AARS1: variants seen among roughly 807,000 people sequenced by gnomAD.
The protein encoded by AARS1 is alanyl-tRNA synthetase 1, also known as alanine--tRNA ligase, cytoplasmic.
In AARS1, 72 loss-of-function variants were observed where a neutral mutation model predicts 108.9. The observed-to-expected ratio is 0.66, with a 90% CI of 0.55 to 0.80. AARS1 has a LOEUF of 0.80. AARS1 is among the 30% of genes least tolerant of loss of function. AARS1 has a pLI of 0.00. For missense variants in AARS1, 1,193 were observed against 1,233.2 expected (o/e 0.97, Z 0.49); for synonymous variants, 489 against 465.7 (o/e 1.05, Z -0.64).
intron 8 of AARS1, among the ~76,000 whole-genome samples, 157 bp from the exon 9 acceptor site, chr16:70,267,966 A>C (rs1960304944): frequency 6.6e-6 from 1 of 152,192 alleles, no homozygotes; most frequent in Non-Finnish European, 1.5e-5. Flanking sequence ...TCAGGAGTTC[A>C]AGACCAGCCT....
rs767210040 is a variant in AARS1, at chr16:70,255,833, G to T, written c.2181C>A (p.His727Gln). ...CTCCTGCATGACTCGAGTTCCGCAG[G>T]TGCCTGAATGGCAGAACACAAAGTC... ...LTSVEFCGGT[H>Q]LRNSSHAGAF... The change falls in exon 16 of 21, where the codon CAC becomes CAA. Residue 727 changes from histidine (H) to glutamine (Q), a missense_variant. Coordinates refer to ENST00000261772, the MANE Select transcript of AARS1 (RefSeq NM_001605.3). The T allele has an allele frequency of 1.2e-6, 2 of 1,612,802 alleles. No individual in the cohort carries two copies. The highest frequency in any genetic ancestry group is 2.2e-5 in the East Asian group (1 of 44,868).
intron 7 of AARS1, among the ~76,000 whole-genome samples, chr16:70,269,341 A>G (rs1265606393): frequency 2.1e-5 from 1 of 48,222 alleles, no homozygotes; most frequent in Non-Finnish European, 4.7e-5. Context: ...AAAAAAAAAA[A>G]AAAAAAAAAA....
chr16:70,262,712 T>C (rs1248801189), intron 11 of AARS1, among the ~76,000 whole-genome samples, 188 bp from the exon 12 acceptor site: 3 of 151,452 alleles, frequency 2.0e-5, no homozygotes, highest in Non-Finnish European at 2.9e-5. Context: ...GCTCCCCCTA[T>C]AATCCCAGCA....
At chr16:70,281,922 C>T (rs971277576) in intron 2 of AARS1, among the ~76,000 whole-genome samples, 7 of 151,794 alleles carry the variant, frequency 4.6e-5, no homozygotes, top group South Asian at 2.1e-4. Context: ...GAGGCCGAGG[C>T]GGATGGATCA....
rs147580372 is a variant in AARS1, at chr16:70,267,710, G to T, written c.1171C>A (p.Arg391Ser). The change falls in exon 9 of 21, where the codon CGC becomes AGC. Residue 391 changes from arginine to serine, a missense_variant. Transcript: ENST00000261772. ...CTCTGAATTTTCCTGTCCAGGATGC[G>T]ACGCCCTCTGCTGAGAGTCTTGAGA... ...QFLKTLSRGR[R>S]ILDRKIQSLG... The T allele has an allele frequency of 1.2e-6, 2 of 1,614,002 alleles. No individual in the cohort carries two copies. Among genetic ancestry groups the T allele is most frequent in the African/African-American group, 2.7e-5 (2 of 74,904 alleles).
rs879254295 is a variant in AARS1 at position 70,269,663 on chromosome 16, G to A, written c.917C>T (p.Thr306Ile). The A allele has an allele frequency of 6.2e-7, 1 of 1,614,074 alleles. No homozygotes were observed. Among genetic ancestry groups the A allele is most frequent in the Non-Finnish European group, 8.5e-7 (1 of 1,180,060 alleles). ...RVLADHARTI[T>I]VALADGGRPD... ...CCGGCCACCATCAGCCAGTGCCACA[G>A]TGATGGTCCGAGCGTGGTCAGCCAG... is the stretch of plus-strand genomic sequence containing the variant. The change falls in exon 7 of 21, where the codon ACT becomes ATT. Residue 306 changes from threonine to isoleucine, a missense_variant. By Grantham distance (89) the Thr-to-Ile change is moderately conservative. Coordinates refer to ENST00000261772, the MANE Select transcript of AARS1 (RefSeq NM_001605.3).
chr16:70,262,992 A>AAAAC (rs1960177593), intron 11 of AARS1, among the ~76,000 whole-genome samples: 5 of 141,606 alleles, frequency 3.5e-5, no homozygotes, highest in Non-Finnish European at 6.0e-5. Context: ...AAAAAAAAAA[A>AAAAC]AAAAAACAAC....
chr16:70,265,119 C>T lies in AARS1; in HGVS notation c.1348-17G>A, dbSNP rs1400655859. ...TGATTTCAGCTGTCAGCAAGAGAAACAAGCATAAGTTACCGTAAAGTAGGA... is the reference window on the plus strand; with the variant it reads ...TGATTTCAGCTGTCAGCAAGAGAAATAAGCATAAGTTACCGTAAAGTAGGA... On this transcript the variant is annotated splice_polypyrimidine_tract_variant and intron_variant, in intron 10 of 20. Transcript: ENST00000261772. The T allele has an allele frequency of 1.5e-5, 24 of 1,613,652 alleles. No homozygotes were observed. The highest frequency in any genetic ancestry group is 2.0e-5 in the Non-Finnish European group (24 of 1,179,944).
Position 70,252,734 on chromosome 16 carries a change from T to G in AARS1, c.2894A>C (p.Asp965Ala). 2 of 1,614,032 alleles carry G rather than the reference T, an allele frequency of 1.2e-6. No individual in the cohort carries two copies. Among genetic ancestry groups the G allele is most frequent in the Non-Finnish European group, 1.7e-6 (2 of 1,180,004 alleles). Residue 965 changes from aspartate to alanine, a missense_variant, in exon 21 of 21, where the codon GAT becomes GCT. Coordinates refer to ENST00000261772, the MANE Select transcript of AARS1 (RefSeq NM_001605.3). ...CTCCTTCCCCACTCAGTTCTTTACA[T>G]CCCCGAGGCGCAGCTGGGCGAAGGA... ...ATSFAQLRLG[D>A]VKN
At chr16:70,264,912 G>C in intron 11 of AARS1, 46 bp downstream of exon 11, 12 of 1,612,040 alleles carry the variant, frequency 7.4e-6, no homozygotes, top group Non-Finnish European at 1.0e-5. Flanking sequence ...ATACCCCCCA[G>C]ATACGGGGCA....
intron 8 of AARS1, 59 bp from the exon 9 acceptor site, chr16:70,267,868 G>A (rs1225683999): frequency 1.8e-5 from 29 of 1,611,304 alleles, no homozygotes; most frequent in Non-Finnish European, 2.4e-5. Flanking sequence ...TCCCTGCCCC[G>A]TCTTAAAAAA....
At chr16:70,267,888 C>A in intron 8 of AARS1, 79 bp from the exon 9 acceptor site, 1 of 1,599,322 alleles carries the variant, frequency 6.3e-7, no homozygotes. Context: ...AGCTCCTTAG[C>A]TGGGTGCAGT....
intron 7 of AARS1, 113 bp from the exon 8 acceptor site, chr16:70,268,492 C>T: frequency 2.4e-6 from 2 of 842,784 alleles, no homozygotes; most frequent in South Asian, 1.5e-5. Flanking sequence ...TTATCCTAAG[C>T]CTGCTTCTTT....
chr16:70,289,029 G>A (rs1011759904), intron 1 of AARS1, among the ~76,000 whole-genome samples: 12 of 152,134 alleles, frequency 7.9e-5, no homozygotes, highest in Middle Eastern at 3.4e-3. Flanking sequence ...TTAAGATGAC[G>A]GTCTCGGTGC....
chr16:70,273,279 G>A (rs1960454522), intron 4 of AARS1, among the ~76,000 whole-genome samples: 1 of 152,204 alleles, frequency 6.6e-6, no homozygotes, highest in African/African-American at 2.4e-5. Context: ...CAGCCCAGCT[G>A]TCTACAGAGG....
chr16:70,282,515 G>C (rs913179388), intron 2 of AARS1, 105 bp downstream of exon 2: 3 of 1,377,138 alleles, frequency 2.2e-6, no homozygotes, highest in East Asian at 2.3e-5. Context: ...GATCACACAG[G>C]GAGTGACAGA....
At chr16:70,261,929 A>G (rs139147093) in intron 12 of AARS1, among the ~76,000 whole-genome samples, 1,819 of 152,112 alleles carry the variant, frequency 0.012, 30 homozygotes, top group African/African-American at 0.041. Context: ...TTGGCCTCCC[A>G]AAGTGCTAGG....
At chr16:70,283,042 G>T (rs1353255404) in intron 1 of AARS1, among the ~76,000 whole-genome samples, 1 of 152,172 alleles carries the variant, frequency 6.6e-6, no homozygotes, top group Non-Finnish European at 1.5e-5. Flanking sequence ...CTGGATGTTT[G>T]TTCATTAAAC....
At chr16:70,285,093 A>T (rs992164863) in intron 1 of AARS1, among the ~76,000 whole-genome samples, 1 of 152,098 alleles carries the variant, frequency 6.6e-6, no homozygotes, top group East Asian at 1.9e-4. Flanking sequence ...GCCGGGAATG[A>T]TGGCGAGTGC....
Sources: gnomAD v4.1 joint callset for allele counts (sites outside exome capture counted in the v4.1 genomes callset) on GRCh38, gnomAD v4.1.1 for gene constraint, MANE v1.5 for transcripts, NCBI Gene and HGNC (gene_info 2026-07-23, HGNC 2026-07-21) for gene names.